TAFA2: variants seen among roughly 807,000 people sequenced by gnomAD.
The protein encoded by TAFA2 is chemokine-like protein TAFA-2.
A neutral mutation model predicts 18.8 loss-of-function variants in TAFA2; 7 were observed. The ratio of observed to expected loss-of-function variants is 0.37; its 90% CI spans 0.21 to 0.70. The LOEUF (loss-of-function observed/expected upper bound fraction) is 0.70, where lower values mean the gene tolerates loss of function less well. Among genes scored for constraint, TAFA2 ranks in the 30% least tolerant of loss-of-function variants. The pLI is 0.53. For missense variants in TAFA2, 122 were observed against 158.1 expected, an observed-to-expected ratio of 0.77 and a Z score of 1.23; for synonymous variants, 60 against 54.2, an observed-to-expected ratio of 1.11 and a Z score of -0.47.
At chr12:62,211,376 C>T (rs989134336) in intron 1 of TAFA2, among the ~76,000 whole-genome samples, 1 of 152,050 alleles carries the variant, frequency 6.6e-6, no homozygotes, top group Non-Finnish European at 1.5e-5. Context: ...GTCAGGACAT[C>T]GAGACCATCT....
intron 2 of TAFA2, among the ~76,000 whole-genome samples, chr12:61,784,223 G>C (rs1870629474): frequency 6.6e-6 from 1 of 151,536 alleles, no homozygotes; most frequent in African/African-American, 2.4e-5. Flanking sequence ...AGAGAGGGTT[G>C]AGTGAGAGAC....
chr12:62,168,735 G>A (rs1171368065), intron 1 of TAFA2, among the ~76,000 whole-genome samples: 2 of 152,082 alleles, frequency 1.3e-5, no homozygotes, highest in African/African-American at 4.8e-5. Flanking sequence ...TACTCTGGAG[G>A]CTGAGGTGGG....
upstream of TAFA2, among the ~76,000 whole-genome samples, chr12:62,195,140 C>T (rs2136964635): frequency 6.6e-6 from 1 of 152,290 alleles, no homozygotes; most frequent in East Asian, 1.9e-4. Context: ...TTGACTCTTC[C>T]TTTCACAAAA....
chr12:61,905,680 G>T (rs1216678547), intron 1 of TAFA2, among the ~76,000 whole-genome samples: 3 of 152,164 alleles, frequency 2.0e-5, no homozygotes, highest in Admixed American at 2.0e-4. Flanking sequence ...TATCCAATTA[G>T]TCTCAAATGA....
At chr12:62,032,322 C>A (rs907809444) in intron 1 of TAFA2, among the ~76,000 whole-genome samples, 3 of 152,134 alleles carry the variant, frequency 2.0e-5, no homozygotes, top group Non-Finnish European at 2.9e-5. Context: ...CCCAGAATTT[C>A]TCTGCTAAAA....
intron 1 of TAFA2, chr12:62,104,812 CT>C: frequency 2.6e-6 from 1 of 388,884 alleles, no homozygotes; most frequent in Non-Finnish European, 5.1e-6. Context: ...CTTCTCATCT[CT>C]TTATGACAAG....
Position 61,898,352 on chromosome 12 carries a change from T to G in TAFA2, c.-1-30926A>C, listed in dbSNP as rs1875946152. On this transcript the variant is annotated intron_variant, in intron 1 of 4. Transcript: ENST00000416284. ...GCAGTGCTCCAGTGGGGACTCTGTGTAGGGGCTCCAACCCCACATTTCCCT... is the reference window on the plus strand; with the variant it reads ...GCAGTGCTCCAGTGGGGACTCTGTGGAGGGGCTCCAACCCCACATTTCCCT... Among the ~76,000 whole-genome samples, 3 of 152,232 alleles carry G rather than the reference T, an allele frequency of 2.0e-5. 1 individual carries two copies. Among genetic ancestry groups the G allele is most frequent in the African/African-American group, 7.2e-5 (3 of 41,460 alleles).
In TAFA2 at chr12:61,886,022, C is replaced by T. The variant is rs1019100084; in HGVS notation, c.-1-18596G>A. On this transcript the variant is annotated intron_variant, in intron 1 of 4. Coordinates refer to ENST00000416284, the MANE Select transcript of TAFA2 (RefSeq NM_178539.5). Reference sequence around the variant, plus strand: ...AAAATAGAGTGTACAATCAATGGCACGCACTCAACTCTGGAAATAATCCCC... The same window carrying T: ...AAAATAGAGTGTACAATCAATGGCATGCACTCAACTCTGGAAATAATCCCC... 5.9e-5 allele frequency among the ~76,000 whole-genome samples: 9 copies of T among 152,104 alleles called. No homozygotes were observed. The South Asian group carries it at 8.3e-4, about 14-fold the overall frequency.
chr12:62,219,714 A>T lies in TAFA2; in HGVS notation c.-130+39049T>A, dbSNP rs187340344. On this transcript the variant is annotated intron_variant, in intron 1 of 5. Coordinates refer to the TAFA2 transcript ENST00000551619. ...TATATAACCTAACTGCTTTTAATAT[A>T]AATCACTCACCCAGTACATGAAAAC... 2.5e-4 allele frequency among the ~76,000 whole-genome samples: 38 copies of T among 152,286 alleles called. No individual in the cohort carries two copies. In the East Asian group the frequency reaches 6.7e-3, roughly 27 times the overall value.
chr12:62,233,023 T>C (rs1347700699), intron 1 of TAFA2, among the ~76,000 whole-genome samples: 3 of 148,610 alleles, frequency 2.0e-5, no homozygotes, highest in African/African-American at 7.5e-5. Context: ...CCTTACCCAA[T>C]TGCAAGTCCT....
intron 1 of TAFA2, among the ~76,000 whole-genome samples, chr12:62,099,442 A>G (rs1869091994): frequency 6.6e-6 from 1 of 152,160 alleles, no homozygotes; most frequent in South Asian, 2.1e-4. Flanking sequence ...AAACTAGAAA[A>G]CAAATAGTTT....
At chr12:61,734,257 C>T (rs1311376530) in intron 4 of TAFA2, among the ~76,000 whole-genome samples, 3 of 150,982 alleles carry the variant, frequency 2.0e-5, no homozygotes, top group East Asian at 2.0e-4. Context: ...AGTAAACTAT[C>T]GCAAGGACAA....
intron 4 of TAFA2, among the ~76,000 whole-genome samples, chr12:61,748,447 C>T (rs1868840503): frequency 6.6e-6 from 1 of 152,054 alleles, no homozygotes; most frequent in Non-Finnish European, 1.5e-5. Flanking sequence ...CTATTCTAAA[C>T]CTGTACTTAA....
chr12:61,950,549 T>C (rs1267746981), intron 1 of TAFA2, among the ~76,000 whole-genome samples: 1 of 152,168 alleles, frequency 6.6e-6, no homozygotes, highest in African/African-American at 2.4e-5. Flanking sequence ...CATTGGCCAT[T>C]TGTATATCAT....
intron 1 of TAFA2, among the ~76,000 whole-genome samples, chr12:61,957,916 TAGAA>T (rs1234178244): frequency 1.3e-5 from 2 of 152,098 alleles, no homozygotes; most frequent in Non-Finnish European, 2.9e-5. Context: ...GATGGACAAA[TAGAA>T]AGAGCTTAGG....
intron 1 of TAFA2, among the ~76,000 whole-genome samples, chr12:62,139,793 C>T (rs1015047963): frequency 2.6e-5 from 4 of 152,144 alleles, no homozygotes; most frequent in Non-Finnish European, 5.9e-5. Context: ...GACCAATTTC[C>T]TCACTATACA....
intron 1 of TAFA2, among the ~76,000 whole-genome samples, chr12:62,046,216 G>A (rs1035273371): frequency 4.6e-5 from 7 of 152,054 alleles, no homozygotes; most frequent in East Asian, 1.9e-4. Flanking sequence ...ACCTGCTCCC[G>A]TGTTTGGTGT....
At chr12:61,780,331 C>G (rs1870450977) in intron 2 of TAFA2, among the ~76,000 whole-genome samples, 2 of 151,740 alleles carry the variant, frequency 1.3e-5, no homozygotes, top group Admixed American at 6.6e-5. Flanking sequence ...GCAGAGTAGA[C>G]AGCATGGAGG....
At chr12:62,238,046 T>C (rs1478691976) in intron 1 of TAFA2, among the ~76,000 whole-genome samples, 2 of 152,178 alleles carry the variant, frequency 1.3e-5, no homozygotes, top group African/African-American at 2.4e-5. Flanking sequence ...TTTCTCCCTA[T>C]AGGCATTTGC....
Sources: allele counts gnomAD v4.1 joint callset (sites outside exome capture counted in the v4.1 genomes callset), GRCh38; gene constraint gnomAD v4.1.1; transcripts MANE v1.5; gene names NCBI Gene and HGNC (gene_info 2026-07-23, HGNC 2026-07-21).